The following SPART variants were observed in gnomAD, a reference collection of about 807,000 sequenced individuals.
SPART encodes spastic paraplegia 20 (Troyer syndrome).
In SPART, 35 loss-of-function variants were observed where a neutral mutation model predicts 58.7. The observed-to-expected ratio is 0.60, with a 90% confidence interval of 0.46 to 0.79. The LOEUF (loss-of-function observed/expected upper bound fraction) is 0.79. SPART is among the 30% of genes least tolerant of loss of function. SPART has a pLI of 0.00. For missense variants in SPART, 730 were observed against 786.1 expected (o/e 0.93, Z 0.85); for synonymous variants, 284 against 280.7 (o/e 1.01, Z -0.12).
chr13:36,325,631 C>G (rs1476138790), intron 5 of SPART, among the ~76,000 whole-genome samples: 1 of 152,140 alleles, frequency 6.6e-6, no homozygotes, highest in Non-Finnish European at 1.5e-5. Flanking sequence ...AGAGTTACTA[C>G]AGCTAAAAAG....
rs1593284066 is a variant in SPART at position 36,346,317 on chromosome 13, G to A, written c.-95C>T. ...GGACCAGCTCCCACTCCCTTACACT[G>A]GGCGCCGCTGCGCTCGCCGGGGGCC... On this transcript the variant is annotated 5_prime_UTR_variant, in exon 1 of 9. Coordinates refer to ENST00000438666, the MANE Select transcript of SPART (RefSeq NM_015087.5). The A allele has an allele frequency of 6.6e-6, 1 of 152,254 alleles. No individual in the cohort carries two copies. Among genetic ancestry groups the A allele is most frequent in the East Asian group, 2.0e-4 (1 of 5,120 alleles). The allele number at this position is 152,254 out of a possible 1,614,324, so 9.4% of individuals were successfully genotyped here. A position where few individuals can be genotyped will look rare whatever the true frequency, so the allele number is the denominator to read the frequency against.
intron 4 of SPART, 24 bp from the exon 5 acceptor site, chr13:36,326,722 A>C (rs1047714164): frequency 1.1e-5 from 18 of 1,611,140 alleles, no homozygotes; most frequent in Non-Finnish European, 1.5e-5. Flanking sequence ...ATGTTTCAAA[A>C]TGTGAAGAGT....
chr13:36,361,680 G>A (rs7334950), intron 1 of SPART, among the ~76,000 whole-genome samples: 16,466 of 151,990 alleles, frequency 0.11, 876 homozygotes, highest in Middle Eastern at 0.15. Flanking sequence ...CTTACACCAC[G>A]CCTGGCCCCT....
At chr13:36,317,221 G>A (rs577824488) in intron 5 of SPART, among the ~76,000 whole-genome samples, 6 of 152,208 alleles carry the variant, frequency 3.9e-5, no homozygotes, top group South Asian at 4.1e-4. Context: ...CACCCTTAGC[G>A]GCAAGTCCCG....
chr13:36,340,492 G>GT (rs1884473188), intron 1 of SPART, among the ~76,000 whole-genome samples: 1 of 152,026 alleles, frequency 6.6e-6, no homozygotes, highest in African/African-American at 2.4e-5. Context: ...AGAGAGAGAA[G>GT]TAAGAGTGCT....
At chr13:36,363,781 T>G (rs186933044) in intron 1 of SPART, among the ~76,000 whole-genome samples, 1,697 of 152,124 alleles carry the variant, frequency 0.011, 16 homozygotes, top group Non-Finnish European at 0.017. Context: ...TGTTGTTGTT[T>G]TTTGTTTTTG....
intron 5 of SPART, among the ~76,000 whole-genome samples, chr13:36,321,701 ATTTTG>A (rs764195437): frequency 6.2e-4 from 94 of 152,082 alleles, no homozygotes; most frequent in Non-Finnish European, 9.4e-4. Flanking sequence ...CTTCAACACT[ATTTTG>A]TTTTATTTTT....
chr13:36,332,167 G>A (rs1376758240), intron 2 of SPART, among the ~76,000 whole-genome samples: 5 of 152,160 alleles, frequency 3.3e-5, no homozygotes, highest in African/African-American at 9.7e-5. Context: ...GTCTGGACCA[G>A]AGAAGCTGAA....
intron 1 of SPART, among the ~76,000 whole-genome samples, chr13:36,338,642 G>A (rs1566135931): frequency 6.6e-6 from 1 of 152,114 alleles, no homozygotes; most frequent in Non-Finnish European, 1.5e-5. Context: ...AATAAAGTGA[G>A]GATAAGAAAC....
chr13:36,308,267 G>A (rs971175337), intron 8 of SPART, among the ~76,000 whole-genome samples: 2 of 152,020 alleles, frequency 1.3e-5, no homozygotes, highest in Admixed American at 6.6e-5. Flanking sequence ...TAGCTCCAAA[G>A]GTGAGAAACA....
chr13:36,353,415 C>T (rs941334864), intron 1 of SPART, among the ~76,000 whole-genome samples: 1 of 152,118 alleles, frequency 6.6e-6, no homozygotes, highest in Non-Finnish European at 1.5e-5. Context: ...ATGTCAATGC[C>T]CTCCAGCCAA....
intron 5 of SPART, among the ~76,000 whole-genome samples, chr13:36,321,489 T>C (rs1330399291): frequency 5.3e-5 from 8 of 152,072 alleles, no homozygotes; most frequent in African/African-American, 1.7e-4. Context: ...AAACCGTATC[T>C]AGGCCATCAC....
intron 1 of SPART, among the ~76,000 whole-genome samples, chr13:36,356,063 G>A (rs1178692477): frequency 6.6e-6 from 1 of 152,170 alleles, no homozygotes; most frequent in East Asian, 1.9e-4. Context: ...TAGAAACAAA[G>A]GAATGTGGAG....
intron 5 of SPART, among the ~76,000 whole-genome samples, chr13:36,321,522 T>C (rs1220976751): frequency 2.6e-5 from 4 of 151,992 alleles, no homozygotes; most frequent in Non-Finnish European, 5.9e-5. Flanking sequence ...ACGACAAATG[T>C]TTCTTCTAAC....
In SPART at chr13:36,331,545, A is replaced by G. The variant is rs771147428; in HGVS notation, c.862T>C (p.Cys288Arg). Residue 288 changes from cysteine (C) to arginine (R), a missense_variant, in exon 3 of 9, where the codon TGT becomes CGT. Physicochemically the swap from Cys to Arg is radical, Grantham distance 180. Coordinates refer to ENST00000438666, the MANE Select transcript of SPART (RefSeq NM_015087.5). ...GGAAACATGTAGGCTCCCGCAGTAC[A>G]TTTCAGAACCGGAGATCTATCAGGA... ...LVPDRSPVLKCTAGAYMFPDT... is the reference protein window; with the variant it reads ...LVPDRSPVLKRTAGAYMFPDT... 4.3e-5 allele frequency: 69 copies of G among 1,614,032 alleles called. 1 individual carries two copies. Among genetic ancestry groups the G allele is most frequent in the Non-Finnish European group, 5.3e-5 (62 of 1,180,030 alleles).
intron 8 of SPART, among the ~76,000 whole-genome samples, chr13:36,310,210 C>A (rs886143540): frequency 8.5e-5 from 13 of 152,172 alleles, no homozygotes; most frequent in Non-Finnish European, 1.5e-4. Context: ...ATGAACTCAA[C>A]TAAATGCTGT....
chr13:36,319,459 A>G (rs976003037), intron 5 of SPART, among the ~76,000 whole-genome samples: 4 of 151,914 alleles, frequency 2.6e-5, no homozygotes, highest in Middle Eastern at 3.4e-3. Context: ...TGCTTTAAAA[A>G]GATTAAAGCC....
rs144211125 is a variant in SPART at position 36,322,060 on chromosome 13, A to C, written c.1288+4515T>G. On this transcript the variant is annotated intron_variant, in intron 5 of 8. Transcript: ENST00000438666. Reference sequence around the variant, plus strand: ...TTTCCTTTACCTACCCAAATCCTATAAAATGGCCCCACCCTTATCTCCCTT... The same window carrying C: ...TTTCCTTTACCTACCCAAATCCTATCAAATGGCCCCACCCTTATCTCCCTT... Among the ~76,000 whole-genome samples the C allele has an allele frequency of 4.9e-4, 74 of 152,158 alleles. 1 individual carries two copies. In the East Asian group the frequency reaches 0.014, roughly 29 times the overall value.
intron 8 of SPART, among the ~76,000 whole-genome samples, chr13:36,305,150 T>C (rs1311063661): frequency 6.6e-6 from 1 of 152,176 alleles, no homozygotes; most frequent in Non-Finnish European, 1.5e-5. Context: ...ACTGGCCTCC[T>C]TGCTGTTCCT....
Sources: allele counts gnomAD v4.1 joint callset (sites outside exome capture counted in the v4.1 genomes callset), GRCh38; gene constraint gnomAD v4.1.1; transcripts MANE v1.5; gene names NCBI Gene and HGNC (gene_info 2026-07-23, HGNC 2026-07-21).